Variants in PPARGC1A observed in about 807,000 individuals in gnomAD.
PPARGC1A encodes the protein peroxisome proliferator-activated receptor gamma coactivator 1-alpha.
Under a neutral mutation model 88.7 loss-of-function variants are expected in PPARGC1A, and 25 were observed. That is an observed-to-expected ratio of 0.28 (90% CI 0.21 to 0.39). The LOEUF (loss-of-function observed/expected upper bound fraction) is 0.39, where lower values mean the gene tolerates loss of function less well. Among genes scored for constraint, PPARGC1A ranks in the 10% least tolerant of loss-of-function variants. The pLI, the probability that PPARGC1A is intolerant of heterozygous loss-of-function variation, is 1.00. For synonymous variants in PPARGC1A, 363 were observed against 355.6 expected, an observed-to-expected ratio of 1.02 and a Z score of -0.24; for missense variants, 880 against 968.7, an observed-to-expected ratio of 0.91 and a Z score of 1.22.
chr4:24,375,730 G>A, the PPARGC1A span, among the ~76,000 whole-genome samples: 1 of 152,232 alleles, frequency 6.6e-6, no homozygotes, highest in East Asian at 1.9e-4. Flanking sequence ...GGTCGCGATA[G>A]ACAAAAATGG....
the PPARGC1A span, among the ~76,000 whole-genome samples, chr4:24,456,674 A>G: frequency 1.3e-5 from 2 of 152,044 alleles, no homozygotes; most frequent in Non-Finnish European, 1.5e-5. Context: ...AGTGGTTAAC[A>G]TAATATATCA....
At chr4:24,253,392 G>C in the PPARGC1A span, among the ~76,000 whole-genome samples, 1 of 152,188 alleles carries the variant, frequency 6.6e-6, no homozygotes, top group African/African-American at 2.4e-5. Flanking sequence ...GATTTCTATA[G>C]TGAATTAGGA....
the PPARGC1A span, among the ~76,000 whole-genome samples, chr4:24,232,602 T>C: frequency 6.6e-6 from 1 of 152,198 alleles, no homozygotes; most frequent in African/African-American, 2.4e-5. Flanking sequence ...GCTGCCCACA[T>C]AGTAATACAG....
the PPARGC1A span, among the ~76,000 whole-genome samples, chr4:24,000,513 C>CT: frequency 0.95 from 143,569 of 151,504 alleles, 68,103 homozygotes; most frequent in African/African-American, 0.98. Flanking sequence ...GCAGCAGGTG[C>CT]TTTTTTTTAA....
At chr4:23,811,936 G>A (rs78080739) in intron 10 of PPARGC1A, among the ~76,000 whole-genome samples, 1 of 36,598 alleles carries the variant, frequency 2.7e-5, no homozygotes, top group Non-Finnish European at 5.3e-5. Flanking sequence ...TTTTTTTTTT[G>A]AGACAGAGTC....
intron 2 of PPARGC1A, among the ~76,000 whole-genome samples, chr4:23,841,452 A>T (rs984999568): frequency 6.6e-6 from 1 of 152,012 alleles, no homozygotes; most frequent in Non-Finnish European, 1.5e-5. Context: ...TTATGTATTT[A>T]TATACCTTAA....
At position 23,877,340 on chromosome 4, in the gene PPARGC1A, C is replaced by T. The variant is rs1714923152; in HGVS notation, c.234+7412G>A. On this transcript the variant is annotated intron_variant, in intron 2 of 12. Transcript: ENST00000264867. ...GACCATCCTGGCTAACACGGGGAAACCCCGTCTCTACTAAAAATACAAAAA... is the reference window on the plus strand; with the variant it reads ...GACCATCCTGGCTAACACGGGGAAATCCCGTCTCTACTAAAAATACAAAAA... Among the ~76,000 whole-genome samples, 3 of 113,410 alleles carry T rather than the reference C, an allele frequency of 2.6e-5. No homozygotes were observed. In the South Asian group the frequency reaches 8.3e-4, roughly 31 times the overall value. 74.4% of individuals were successfully genotyped at this position (113,410 alleles called of 152,430 possible).
At chr4:24,347,296 T>G in the PPARGC1A span, among the ~76,000 whole-genome samples, 3 of 149,830 alleles carry the variant, frequency 2.0e-5, no homozygotes, top group African/African-American at 7.3e-5. Flanking sequence ...TTCCAAGATA[T>G]AGTTTAAATC....
At chr4:23,933,191 A>C in the PPARGC1A span, among the ~76,000 whole-genome samples, 1 of 152,272 alleles carries the variant, frequency 6.6e-6, no homozygotes, top group East Asian at 1.9e-4. Flanking sequence ...CTGGAACAGA[A>C]AACAACCACA....
chr4:24,128,797 C>A, the PPARGC1A span, among the ~76,000 whole-genome samples: 1,979 of 152,216 alleles, frequency 0.013, 53 homozygotes, highest in African/African-American at 0.045. Flanking sequence ...TGATAACTTC[C>A]CTAATCCCCT....
the PPARGC1A span, among the ~76,000 whole-genome samples, chr4:24,408,232 C>T: frequency 6.6e-6 from 1 of 151,634 alleles, no homozygotes; most frequent in Non-Finnish European, 1.5e-5. Context: ...AACTACTCTG[C>T]TGCTTCAACA....
At chr4:23,854,796 G>A (rs1001944115) in intron 2 of PPARGC1A, among the ~76,000 whole-genome samples, 4 of 151,948 alleles carry the variant, frequency 2.6e-5, no homozygotes, top group South Asian at 2.1e-4. Context: ...GGTAGACACC[G>A]GGTAAATCCC....
chr4:24,170,523 A>C, the PPARGC1A span, among the ~76,000 whole-genome samples: 1 of 152,318 alleles, frequency 6.6e-6, no homozygotes, highest in East Asian at 1.9e-4. Flanking sequence ...CTAAGACTCT[A>C]GTTGGTGAAA....
the PPARGC1A span, among the ~76,000 whole-genome samples, chr4:24,381,617 C>A: frequency 6.6e-6 from 1 of 152,176 alleles, no homozygotes; most frequent in Non-Finnish European, 1.5e-5. Context: ...ACAAAAAAAT[C>A]CTACAATCTC....
At chr4:23,808,059 G>A (rs961529947) in intron 10 of PPARGC1A, among the ~76,000 whole-genome samples, 2 of 151,928 alleles carry the variant, frequency 1.3e-5, no homozygotes, top group African/African-American at 4.8e-5. Context: ...AGACCAGCCT[G>A]GCCAACACGG....
the PPARGC1A span, among the ~76,000 whole-genome samples, chr4:24,377,326 G>A: frequency 6.6e-6 from 1 of 151,934 alleles, no homozygotes; most frequent in African/African-American, 2.4e-5. Context: ...CTAGAAAGGA[G>A]GTGCCCAGAA....
At chr4:24,118,820 GA>G in the PPARGC1A span, among the ~76,000 whole-genome samples, 27 of 151,966 alleles carry the variant, frequency 1.8e-4, no homozygotes, top group Non-Finnish European at 3.5e-4. Flanking sequence ...CACTTGCATA[GA>G]AAATTAAGTG....
At chr4:24,157,954 C>T in the PPARGC1A span, among the ~76,000 whole-genome samples, 1 of 152,148 alleles carries the variant, frequency 6.6e-6, no homozygotes, top group African/African-American at 2.4e-5. Flanking sequence ...ACCCCTTACC[C>T]TTCCAACACA....
At chr4:23,929,225 T>C in the PPARGC1A span, among the ~76,000 whole-genome samples, 2 of 151,918 alleles carry the variant, frequency 1.3e-5, no homozygotes, top group African/African-American at 4.8e-5. Flanking sequence ...CCCAGGGAGG[T>C]ACATAGAACA....
Sources: allele counts gnomAD v4.1 joint callset (sites outside exome capture counted in the v4.1 genomes callset), GRCh38; gene constraint gnomAD v4.1.1; transcripts MANE v1.5; gene names NCBI Gene and HGNC (gene_info 2026-07-23, HGNC 2026-07-21).